COQ6: variants seen among roughly 807,000 people sequenced by gnomAD.
COQ6 encodes ubiquinone biosynthesis monooxygenase COQ6, mitochondrial.
Under a neutral mutation model 55.5 loss-of-function variants are expected in COQ6, and 45 were observed. The ratio of observed to expected loss-of-function variants is 0.81; its 90% CI spans 0.64 to 1.04. COQ6 has a LOEUF of 1.04. Among genes scored for constraint, COQ6 ranks in the 50% least tolerant of loss-of-function variants. The pLI is 0.00. For missense variants in COQ6, 550 were observed against 601.3 expected (o/e 0.91, Z 0.89); for synonymous variants, 206 against 230.5 (o/e 0.89, Z 0.96).
chr14:73,958,986 C>A lies in COQ6; in HGVS notation c.628C>A (p.His210Asn). The A allele has an allele frequency of 6.2e-7, 1 of 1,613,950 alleles. No homozygotes were observed. Among genetic ancestry groups the A allele is most frequent in the South Asian group, 1.1e-5 (1 of 91,048 alleles). The change falls in exon 6 of 12, where the codon CAC (histidine) becomes AAC (asparagine). Residue 210 changes from histidine (H) to asparagine (N), a missense_variant. Physicochemically the swap from His to Asn is moderately conservative, Grantham distance 68. Coordinates refer to ENST00000334571, the MANE Select transcript of COQ6 (RefSeq NM_182476.3). ...GTCCATGCAGATAGGTGCAGATGGT[C>A]ACAACTCCGGAGTACGGCAGGCTGT... ...QTKLLIGADG[H>N]NSGVRQAVGI...
intron 6 of COQ6, 29 bp from the exon 7 acceptor site, chr14:73,959,133 C>T: frequency 6.2e-7 from 1 of 1,614,216 alleles, no homozygotes; most frequent in Non-Finnish European, 8.5e-7. Flanking sequence ...AGGTACTTCA[C>T]AGAGAAACTT....
chr14:73,958,896 T>G, intron 5 of COQ6, 75 bp from the exon 6 acceptor site: 1 of 1,588,838 alleles, frequency 6.3e-7, no homozygotes, highest in South Asian at 1.1e-5. Flanking sequence ...GAGGAAACTT[T>G]AGGGAGCAGA....
At chr14:73,962,924 C>T (rs1468256621) in intron 11 of COQ6, 46 bp from the exon 12 acceptor site, 2 of 1,461,774 alleles carry the variant, frequency 1.4e-6, no homozygotes, top group African/African-American at 1.4e-5. Flanking sequence ...TTATTTTCTT[C>T]ACCTTACTGT....
Position 73,960,709 on chromosome 14 carries a change from T to C in COQ6, c.892-464T>C, listed in dbSNP as rs997008373. ...ACCGTAAATGACAATCTCCGTACAG[T>C]GATAGAAGTATGCATAGGATGCTGT... On this transcript the variant is annotated intron_variant, in intron 8 of 11. Transcript: ENST00000334571. 1.7e-4 allele frequency: 99 copies of C among 584,672 alleles called. No homozygotes were observed. In the Admixed American group the frequency reaches 3.6e-3, roughly 21 times the overall value. 36.2% of individuals were successfully genotyped at this position (584,672 alleles called of 1,614,324 possible).
chr14:73,957,987 A>G, intron 4 of COQ6, 160 bp from the exon 5 acceptor site: 1 of 687,898 alleles, frequency 1.5e-6, no homozygotes, highest in Admixed American at 2.2e-5. Flanking sequence ...GGCTTCTGTC[A>G]TTTATTAGCT....
rs751338512 is a variant in COQ6, at chr14:73,959,177, G to A, written c.736G>A (p.Val246Ile). 5.6e-6 allele frequency: 9 copies of A among 1,614,030 alleles called. No individual in the cohort carries two copies. The highest frequency in any genetic ancestry group is 1.6e-4 in the Middle Eastern group (1 of 6,084). The change falls in exon 7 of 12, where the codon GTA becomes ATA. Residue 246 changes from valine (V) to isoleucine (I), a missense_variant. Transcript: ENST00000334571. The part of the protein sequence containing the change: ...LHLSEATENN[V>I]AWQRFLPSGP... Reference sequence around the variant, plus strand: ...TCTGTTGCAGGCCACAGAAAACAACGTAGCCTGGCAGAGATTTCTTCCCTC... The same window carrying A: ...TCTGTTGCAGGCCACAGAAAACAACATAGCCTGGCAGAGATTTCTTCCCTC...
rs368850968 is a variant in COQ6, at chr14:73,959,540, C to T, written c.891+18C>T. On this transcript the variant is annotated intron_variant, in intron 8 of 11. Transcript: ENST00000334571. ...CTGCCTTTGTGAGTATCAATTTACCCAGCTGATGATGTGCTGCAGGGGGAG... is the reference window on the plus strand; with the variant it reads ...CTGCCTTTGTGAGTATCAATTTACCTAGCTGATGATGTGCTGCAGGGGGAG... 1.9e-6 allele frequency: 3 copies of T among 1,613,704 alleles called. No individual in the cohort carries two copies. The highest frequency in any genetic ancestry group is 1.3e-5 in the African/African-American group (1 of 74,830).
intron 8 of COQ6, chr14:73,960,713 A>G (rs2056678099): frequency 1.7e-6 from 1 of 578,378 alleles, no homozygotes; most frequent in African/African-American, 2.0e-5. Flanking sequence ...GTACAGTGAT[A>G]GAAGTATGCA....
chr14:73,956,938 A>G (rs1021036622), intron 4 of COQ6: 3 of 152,134 alleles, frequency 2.0e-5, no homozygotes, highest in Non-Finnish European at 4.4e-5. Context: ...GGGTCATATG[A>G]TCACACTTGT....
rs2056604424 is a variant in COQ6, at chr14:73,959,486, T to G, written c.855T>G (p.Asp285Glu). 6.2e-7 allele frequency: 1 copy of G among 1,614,166 alleles called. No individual in the cohort carries two copies. Among genetic ancestry groups the G allele is most frequent in the Admixed American group, 1.7e-5 (1 of 60,022 alleles). Reference protein sequence around the residue: ...HEHAAELVSMDEEKFVDAVNS... With the variant: ...HEHAAELVSMEEEKFVDAVNS... ...ATGCAGCAGAGCTAGTTAGCATGGA[T>G]GAGGAAAAATTTGTGGATGCCGTTA... Residue 285 changes from aspartate (D) to glutamate (E), a missense_variant, in exon 8 of 12, where the codon GAT becomes GAG. Physicochemically the swap from Asp to Glu is conservative, Grantham distance 45. Coordinates refer to ENST00000334571, the MANE Select transcript of COQ6 (RefSeq NM_182476.3).
chr14:73,959,384 AGCCGTTG>A, intron 7 of COQ6, 24 bp from the exon 8 acceptor site: 2 of 1,614,160 alleles, frequency 1.2e-6, no homozygotes, highest in South Asian at 2.2e-5. Context: ...GCAGAGTCTT[AGCCGTTG>A]GTATTGGTGT....
chr14:73,955,433 A>C lies in COQ6; in HGVS notation c.299-18A>C. On this transcript the variant is annotated intron_variant, in intron 2 of 11. Coordinates refer to ENST00000334571, the MANE Select transcript of COQ6 (RefSeq NM_182476.3). Reference sequence around the variant, plus strand: ...TCCTTGTGAAGTCACTCTGGTCTATAGATCCTTTCTTTTGTAGGTTTTGGT... The same window carrying C: ...TCCTTGTGAAGTCACTCTGGTCTATCGATCCTTTCTTTTGTAGGTTTTGGT... The C allele has an allele frequency of 6.2e-7, 1 of 1,611,388 alleles. No individual in the cohort carries two copies. Among genetic ancestry groups the C allele is most frequent in the Non-Finnish European group, 8.5e-7 (1 of 1,177,464 alleles).
intron 1 of COQ6, among the ~76,000 whole-genome samples, chr14:73,952,468 G>T (rs2056241055): frequency 6.6e-6 from 1 of 151,876 alleles, no homozygotes; most frequent in Non-Finnish European, 1.5e-5. Flanking sequence ...ACAGGGTTTT[G>T]CTCTGTCCCC....
rs1282090487 is a variant in COQ6, at chr14:73,957,328, ACCCACCTCGGCCT to A, written c.482-814_482-802del. Among the ~76,000 whole-genome samples the A allele has an allele frequency of 9.9e-5, 15 of 151,930 alleles. 1 individual carries two copies. Among genetic ancestry groups the A allele is most frequent in the Admixed American group, 9.8e-4 (15 of 15,244 alleles). ...TCTCAATCTCCTGACCTCGTGATCC[ACCCACCTCGGCCT>A]CCCAAAGTGCTGGGATTACAGGCGT... On this transcript the variant is annotated intron_variant, in intron 4 of 11. Coordinates refer to ENST00000334571, the MANE Select transcript of COQ6 (RefSeq NM_182476.3).
chr14:73,960,787 C>T lies in COQ6; in HGVS notation c.892-386C>T, dbSNP rs993336917. 7.4e-5 allele frequency: 28 copies of T among 376,754 alleles called. 1 individual carries two copies. The highest frequency in any genetic ancestry group is 2.4e-4 in the South Asian group (10 of 41,384). The allele number at this position is 376,754 out of a possible 1,614,324, so 23.3% of individuals were successfully genotyped here. A position where few individuals can be genotyped will look rare whatever the true frequency, so the allele number is the denominator to read the frequency against. The stretch of plus-strand genomic sequence containing the variant: ...AAAGACTGGAGGAGTTAAAAAGAGG[C>T]GACGTCTTCTGGATGCTCTGAGATG... On this transcript the variant is annotated intron_variant, in intron 8 of 11. Transcript: ENST00000334571.
chr14:73,962,244 C>A (rs2056776719), intron 11 of COQ6, among the ~76,000 whole-genome samples: 3 of 152,120 alleles, frequency 2.0e-5, no homozygotes, highest in African/African-American at 7.2e-5. Context: ...CTGCGGCTGG[C>A]CCACAGCTCT....
upstream of COQ6, chr14:73,949,921 A>G (rs1399565791): frequency 6.2e-7 from 1 of 1,606,820 alleles, no homozygotes; most frequent in Non-Finnish European, 8.5e-7. Flanking sequence ...AACGCCCAAC[A>G]GTTTCCTCTC....
intron 8 of COQ6, chr14:73,960,889 A>G: frequency 1.9e-6 from 1 of 515,900 alleles, no homozygotes; most frequent in East Asian, 3.8e-5. Flanking sequence ...GTGATGAGCT[A>G]TACTGTGGCT....
At chr14:73,952,573 A>G (rs1235700940) in intron 1 of COQ6, among the ~76,000 whole-genome samples, 1 of 151,870 alleles carries the variant, frequency 6.6e-6, no homozygotes, top group Admixed American at 6.6e-5. Context: ...GGGTCTCGCC[A>G]TGTTGCCCAG....
Sources: gnomAD v4.1 joint callset for allele counts (sites outside exome capture counted in the v4.1 genomes callset) on GRCh38, gnomAD v4.1.1 for gene constraint, MANE v1.5 for transcripts, NCBI Gene and HGNC (gene_info 2026-07-23, HGNC 2026-07-21) for gene names.